Variants in TANGO6 observed in about 807,000 individuals in gnomAD.
The protein encoded by TANGO6 is transport and Golgi organization protein 6 homolog.
In TANGO6, 90 loss-of-function variants were observed where a neutral mutation model predicts 114.2. The observed-to-expected ratio is 0.79, with a 90% CI of 0.66 to 0.94. TANGO6 has a LOEUF of 0.94. TANGO6 is among the 40% of genes least tolerant of loss of function. The pLI is 0.00. For missense variants in TANGO6, 1,274 were observed against 1,315.3 expected, an observed-to-expected ratio of 0.97 and a Z score of 0.49; for synonymous variants, 477 against 509.8, an observed-to-expected ratio of 0.94 and a Z score of 0.87.
intron 14 of TANGO6, among the ~76,000 whole-genome samples, chr16:68,954,059 G>C (rs565072880): frequency 6.6e-6 from 1 of 151,760 alleles, no homozygotes; most frequent in Non-Finnish European, 1.5e-5. Context: ...GGCCAACATG[G>C]TGAAACCTCG....
chr16:69,056,096 C>A (rs929003886), intron 17 of TANGO6, among the ~76,000 whole-genome samples: 2 of 151,896 alleles, frequency 1.3e-5, no homozygotes, highest in Non-Finnish European at 2.9e-5. Context: ...GGACTCAGTA[C>A]CTTGCTGGGA....
chr16:68,896,913 TA>T (rs1254707723), intron 7 of TANGO6, among the ~76,000 whole-genome samples: 2 of 152,152 alleles, frequency 1.3e-5, no homozygotes, highest in Non-Finnish European at 2.9e-5. Flanking sequence ...TTTATTTTTT[TA>T]TTTTTTTGAG....
intron 15 of TANGO6, among the ~76,000 whole-genome samples, chr16:69,019,783 C>T (rs1597060320): frequency 1.3e-5 from 2 of 152,298 alleles, no homozygotes; most frequent in East Asian, 3.9e-4. Flanking sequence ...AGCAATCCTC[C>T]CGCCTCAGCC....
intron 7 of TANGO6, among the ~76,000 whole-genome samples, chr16:68,886,434 G>T (rs1327194724): frequency 6.6e-6 from 1 of 151,734 alleles, no homozygotes; most frequent in East Asian, 1.9e-4. Context: ...TTATTGATGA[G>T]TTGAGGGATG....
intron 17 of TANGO6, among the ~76,000 whole-genome samples, chr16:69,070,348 TG>T (rs1258123542): frequency 6.8e-6 from 1 of 147,248 alleles, no homozygotes; most frequent in East Asian, 2.1e-4. Flanking sequence ...AAAAAGATCT[TG>T]GGGCCAGGCG....
intron 14 of TANGO6, among the ~76,000 whole-genome samples, chr16:68,951,771 C>T (rs1036712343): frequency 2.6e-5 from 4 of 152,002 alleles, no homozygotes; most frequent in African/African-American, 7.2e-5. Context: ...CGCCACCACG[C>T]CCAGCTAATT....
intron 15 of TANGO6, among the ~76,000 whole-genome samples, chr16:68,996,106 G>T (rs996369831): frequency 1.3e-5 from 2 of 152,194 alleles, no homozygotes; most frequent in Non-Finnish European, 2.9e-5. Context: ...AAAGGGCTAT[G>T]TGAGGAGGGA....
chr16:68,876,975 A>G (rs953125406), intron 5 of TANGO6, among the ~76,000 whole-genome samples: 20 of 152,278 alleles, frequency 1.3e-4, no homozygotes, highest in African/African-American at 4.3e-4. Context: ...TTCTATTACA[A>G]ATTATGCTAC....
chr16:69,003,836 C>T (rs1299611448), intron 15 of TANGO6, among the ~76,000 whole-genome samples: 5 of 152,016 alleles, frequency 3.3e-5, no homozygotes, highest in Admixed American at 3.3e-4. Context: ...GATCCTTTCT[C>T]ACATAAAATT....
chr16:68,968,117 G>C (rs1963663375), intron 14 of TANGO6, among the ~76,000 whole-genome samples: 1 of 151,960 alleles, frequency 6.6e-6, no homozygotes, highest in Non-Finnish European at 1.5e-5. Context: ...CCAGGCTGAA[G>C]TGCAGTGGCG....
chr16:69,012,133 C>T (rs1161629199), intron 15 of TANGO6, among the ~76,000 whole-genome samples: 1 of 152,150 alleles, frequency 6.6e-6, no homozygotes, highest in East Asian at 1.9e-4. Context: ...CAGGTGTTGT[C>T]ATTACCATTG....
rs145796809 is a variant in TANGO6, at chr16:68,986,726, G to A, written c.2842+12558G>A. The stretch of plus-strand genomic sequence containing the variant: ...TCAAGACCTGCCTGGCCAATGTGGT[G>A]AAACCCGGTCTCTACTAGAAATACA... On this transcript the variant is annotated intron_variant, in intron 15 of 17. Transcript: ENST00000261778. Among the ~76,000 whole-genome samples the A allele has an allele frequency of 4.1e-3, 631 of 152,178 alleles. 3 individuals are homozygous for A. The highest frequency in any genetic ancestry group is 7.6e-3 in the Non-Finnish European group (515 of 68,002).
chr16:69,013,583 C>T (rs1959231759), intron 15 of TANGO6, among the ~76,000 whole-genome samples: 1 of 150,062 alleles, frequency 6.7e-6, no homozygotes, highest in South Asian at 2.1e-4. Context: ...CACCACTGCA[C>T]TCCAACCTGG....
intron 1 of TANGO6, among the ~76,000 whole-genome samples, 191 bp from the exon 2 acceptor site, chr16:68,859,693 T>C (rs1360915334): frequency 6.6e-6 from 1 of 152,206 alleles, no homozygotes; most frequent in Non-Finnish European, 1.5e-5. Flanking sequence ...TGCAAAGTGC[T>C]GTGGGAAGGC....
chr16:69,022,432 G>A (rs934626010), intron 15 of TANGO6, among the ~76,000 whole-genome samples: 11 of 152,094 alleles, frequency 7.2e-5, no homozygotes, highest in East Asian at 1.9e-4. Flanking sequence ...GGTCATGTAC[G>A]GTGACTCACT....
chr16:69,016,059 G>A (rs1377280608), intron 15 of TANGO6, among the ~76,000 whole-genome samples: 3 of 151,812 alleles, frequency 2.0e-5, no homozygotes, highest in Non-Finnish European at 2.9e-5. Context: ...CAACTCCCCC[G>A]CTCCTTATTT....
intron 15 of TANGO6, among the ~76,000 whole-genome samples, chr16:68,984,573 T>G (rs1481295647): frequency 6.6e-6 from 1 of 152,010 alleles, no homozygotes; most frequent in East Asian, 1.9e-4. Context: ...CAGGCTAGAG[T>G]GCAGTGGTGC....
In TANGO6 at chr16:68,931,206, A is replaced by C. The variant is rs190163521; in HGVS notation, c.2701+911A>C. Among the ~76,000 whole-genome samples, 387 of 152,332 alleles carry C rather than the reference A, an allele frequency of 2.5e-3. 4 individuals carry two copies. The highest frequency in any genetic ancestry group is 0.016 in the South Asian group (75 of 4,824). ...GCTCCATCAGCGAGGTACAGTCAAC[A>C]GACCACCTGGGTTGGCCATCCCATT... On this transcript the variant is annotated intron_variant, in intron 14 of 17. Coordinates refer to ENST00000261778, the MANE Select transcript of TANGO6 (RefSeq NM_024562.2).
intron 5 of TANGO6, among the ~76,000 whole-genome samples, chr16:68,876,391 C>A (rs1962360557): frequency 2.0e-5 from 3 of 151,948 alleles, no homozygotes; most frequent in Non-Finnish European, 4.4e-5. Flanking sequence ...GAACTCCTGA[C>A]CTCAGGTGAT....
Sources: allele counts gnomAD v4.1 joint callset (sites outside exome capture counted in the v4.1 genomes callset), GRCh38; gene constraint gnomAD v4.1.1; transcripts MANE v1.5; gene names NCBI Gene and HGNC (gene_info 2026-07-23, HGNC 2026-07-21).